The following XAF1 variants were observed in gnomAD, a reference collection of about 807,000 sequenced individuals.
The protein encoded by XAF1 is XIAP-associated factor 1.
In XAF1, 32 loss-of-function variants were observed where a neutral mutation model predicts 32.3. The ratio of observed to expected loss-of-function variants is 0.99; its 90% confidence interval spans 0.75 to 1.33. The LOEUF (loss-of-function observed/expected upper bound fraction) is 1.33. Among genes scored for constraint, XAF1 ranks in the 40% most tolerant of loss-of-function variants. The probability of loss-of-function intolerance (pLI) is 0.00; values close to 1 mark genes in which losing one functional copy is unlikely to be tolerated. For synonymous variants in XAF1, 120 were observed against 125.9 expected (o/e 0.95, Z 0.31); for missense variants, 379 against 366.0 (o/e 1.04, Z -0.29).
rs1567644998 is a variant in XAF1, at chr17:6,758,180, C to T, written c.124C>T (p.Pro42Ser). ...GTGTCCGGAGTGTGAGGAGCCTGTC[C>T]CCAAGGAAACCATGGAGGAGCACTG... ...VLCPECEEPV[P>S]KETMEEHCKL... The change falls in exon 2 of 7, where the codon CCC (proline) becomes TCC (serine). Residue 42 changes from proline to serine, a missense_variant. Pro to Ser is a moderately conservative substitution (Grantham distance 74, BLOSUM62 -1). Transcript: ENST00000361842. The T allele has an allele frequency of 6.2e-7, 1 of 1,614,202 alleles. No homozygotes were observed.
intron 5 of XAF1, among the ~76,000 whole-genome samples, chr17:6,764,874 C>T (rs1450645776): frequency 6.6e-6 from 1 of 152,100 alleles, no homozygotes; most frequent in African/African-American, 2.4e-5. Flanking sequence ...ATTGCTAAAT[C>T]CAATGCTCAG....
chr17:6,759,607 G>C, intron 2 of XAF1, 55 bp from the exon 3 acceptor site: 1 of 1,606,088 alleles, frequency 6.2e-7, no homozygotes. Flanking sequence ...GCAGGCCCTG[G>C]GTGCTGGGTG....
chr17:6,773,323 G>GT lies in XAF1; in HGVS notation c.*155dup. 2 of 610,626 alleles carry GT rather than the reference G, an allele frequency of 3.3e-6. No individual in the cohort carries two copies. The highest frequency in any genetic ancestry group is 2.4e-5 in the South Asian group (1 of 41,550). 37.8% of individuals were successfully genotyped at this position (610,626 alleles called of 1,614,324 possible). On this transcript the variant is annotated 3_prime_UTR_variant, in exon 7 of 7. Coordinates refer to ENST00000361842, the MANE Select transcript of XAF1 (RefSeq NM_017523.5). ...TGGCAGAACTAAAAACAAAACTCAC[G>GT]TATCATCTCAATAGATACAGAAAAG...
chr17:6,759,720 T>C lies in XAF1; in HGVS notation c.225+2T>C. On this transcript the variant is annotated splice_donor_variant, in intron 3 of 6. Transcript: ENST00000361842. LOFTEE classifies it high-confidence loss of function. ...AAGTCCTCGCTGGAGTTTCATAAGG[T>C]AAGAGCCCCATGTGATTTCTCCTTT... The C allele has an allele frequency of 6.2e-7, 1 of 1,613,838 alleles. No homozygotes were observed. Among genetic ancestry groups the C allele is most frequent in the Non-Finnish European group, 8.5e-7 (1 of 1,180,006 alleles).
chr17:6,762,181 G>T lies in XAF1; in HGVS notation c.448G>T (p.Glu150Ter). The change falls in exon 5 of 7, where the codon GAA becomes TAA. Residue 150 changes from glutamate (E) to a stop codon, truncating the protein, a stop_gained. Transcript: ENST00000361842. LOFTEE classifies it high-confidence loss of function. ...KGERISAPER[E>*]IYCHYCNQMI... ...GGAAAGAATTTCAGCTCCTGAAAGG[G>T]AAATCTACTGTCATTATTGCAACCA... 6.2e-7 allele frequency: 1 copy of T among 1,613,754 alleles called. No individual in the cohort carries two copies. The highest frequency in any genetic ancestry group is 1.1e-5 in the South Asian group (1 of 91,014).
chr17:6,757,972 A>G, intron 1 of XAF1, 117 bp from the exon 2 acceptor site: 1 of 1,404,910 alleles, frequency 7.1e-7, no homozygotes, highest in South Asian at 1.3e-5. Context: ...TGTCATCATC[A>G]TCACATGTTC....
Position 6,758,142 on chromosome 17 carries a change from G to C in XAF1, c.86G>C (p.Arg29Pro). Residue 29 changes from arginine to proline, a missense_variant, in exon 2 of 7, where the codon CGG (arginine) becomes CCG (proline). Coordinates refer to ENST00000361842, the MANE Select transcript of XAF1 (RefSeq NM_017523.5). The part of the protein sequence containing the change: ...NFTLHEAYCL[R>P]FLVLCPECEE... ...ACCCTCCATGAGGCTTACTGCCTGCGGTTCCTGGTCCTGTGTCCGGAGTGT... is the reference window on the plus strand; with the variant it reads ...ACCCTCCATGAGGCTTACTGCCTGCCGTTCCTGGTCCTGTGTCCGGAGTGT... The C allele has an allele frequency of 1.2e-6, 2 of 1,614,230 alleles. No homozygotes were observed. Among genetic ancestry groups the C allele is most frequent in the Non-Finnish European group, 1.7e-6 (2 of 1,180,042 alleles).
chr17:6,764,027 T>C (rs553615170), intron 5 of XAF1, among the ~76,000 whole-genome samples: 3 of 152,216 alleles, frequency 2.0e-5, no homozygotes, highest in Non-Finnish European at 4.4e-5. Flanking sequence ...CCAGGGCACC[T>C]ACACACTTAT....
chr17:6,768,843 A>G (rs1181119432), intron 5 of XAF1, among the ~76,000 whole-genome samples: 1 of 152,126 alleles, frequency 6.6e-6, no homozygotes, highest in East Asian at 1.9e-4. Flanking sequence ...CAATGTACTC[A>G]AATGTGTTTG....
Position 6,756,331 on chromosome 17 carries a change from C to T in XAF1, c.32+221C>T. The T allele has an allele frequency of 4.4e-6, 6 of 1,355,184 alleles. No individual in the cohort carries two copies. In the South Asian group the frequency reaches 9.4e-5, roughly 21 times the overall value. The allele number at this position is 1,355,184 out of a possible 1,614,324, so 83.9% of individuals were successfully genotyped here. A position where few individuals can be genotyped will look rare whatever the true frequency, so the allele number is the denominator to read the frequency against. ...CCTCCACTTCACTGCAGCCCCTTTC[C>T]CCCAAATGTTAGGCTTTCTGGGACA... On this transcript the variant is annotated intron_variant, in intron 1 of 6. Coordinates refer to ENST00000361842, the MANE Select transcript of XAF1 (RefSeq NM_017523.5).
chr17:6,767,026 C>T (rs1025169326), intron 5 of XAF1, among the ~76,000 whole-genome samples: 1 of 152,108 alleles, frequency 6.6e-6, no homozygotes. Context: ...ATTTTTTAGG[C>T]CTTATATGTC....
chr17:6,763,420 C>T lies in XAF1; in HGVS notation c.507+1180C>T, dbSNP rs149574822. On this transcript the variant is annotated intron_variant, in intron 5 of 6. Transcript: ENST00000361842. ...TCGGCTCACTGCAACCTCTGCCTCC[C>T]GGGTTCAAGCGATTCTCCTGCCTCA... Among the ~76,000 whole-genome samples, 1,010 of 152,120 alleles carry T rather than the reference C, an allele frequency of 6.6e-3. 12 individuals are homozygous for T. Among genetic ancestry groups the T allele is most frequent in the African/African-American group, 0.023 (956 of 41,512 alleles).
rs1469208197 is a variant in XAF1, at chr17:6,760,462, G to C, written c.282G>C (p.Gln94His). The change falls in exon 4 of 7, where the codon CAG becomes CAC. Residue 94 changes from glutamine to histidine, a missense_variant. Gln to His is a conservative substitution (Grantham distance 24). Coordinates refer to ENST00000361842, the MANE Select transcript of XAF1 (RefSeq NM_017523.5). ...GTAAGTTCTGCAAACTGGACATGCA[G>C]CTCAGCAAGCTGGAGCTCCACGAGT... ...VECKFCKLDM[Q>H]LSKLELHESY... 1 of 1,612,768 alleles carries C rather than the reference G, an allele frequency of 6.2e-7. No homozygotes were observed. The highest frequency in any genetic ancestry group is 8.5e-7 in the Non-Finnish European group (1 of 1,179,572).
intron 6 of XAF1, 63 bp from the exon 7 acceptor site, chr17:6,773,050 T>TA: frequency 2.9e-6 from 4 of 1,393,170 alleles, no homozygotes; most frequent in Non-Finnish European, 4.0e-6. Context: ...TATCCAGAGA[T>TA]ATTCTAGGAG....
At position 6,759,057 on chromosome 17, in the gene XAF1, G is replaced by C. The variant is rs994875355; in HGVS notation, c.169-605G>C. ...TGGCTCCAGTCCTCCCTGCAGGAGA[G>C]ATGGGGTCCGGGAGTTGGGGTGAGG... On this transcript the variant is annotated intron_variant, in intron 2 of 6. Transcript: ENST00000361842. 5.2e-6 allele frequency: 4 copies of C among 769,704 alleles called. No homozygotes were observed. In the African/African-American group the frequency reaches 5.7e-5, roughly 11 times the overall value. The allele number at this position is 769,704 out of a possible 1,614,324, so 47.7% of individuals were successfully genotyped here. A position where few individuals can be genotyped will look rare whatever the true frequency, so the allele number is the denominator to read the frequency against.
chr17:6,766,695 G>A (rs1293428304), intron 5 of XAF1, among the ~76,000 whole-genome samples: 2 of 152,104 alleles, frequency 1.3e-5, no homozygotes, highest in African/African-American at 4.8e-5. Context: ...TGTTTTACCT[G>A]GACTTAATAA....
intron 5 of XAF1, among the ~76,000 whole-genome samples, chr17:6,762,550 C>T (rs2151540266): frequency 6.6e-6 from 1 of 152,302 alleles, no homozygotes; most frequent in South Asian, 2.1e-4. Flanking sequence ...CTCAGTAGGG[C>T]CTGTCTTACT....
At chr17:6,762,123 T>C in intron 4 of XAF1, 32 bp from the exon 5 acceptor site, 1 of 1,611,700 alleles carries the variant, frequency 6.2e-7, no homozygotes, top group Non-Finnish European at 8.5e-7. Flanking sequence ...ACAAGGACAA[T>C]CATTTGTGGT....
chr17:6,762,204 C>T lies in XAF1; in HGVS notation c.471C>T (p.Asn157=), dbSNP rs528502430. ...PEREIYCHYC[N]QMIPENKYFH... ...GGGAAATCTACTGTCATTATTGCAA[C>T]CAAATGATTCCAGAAAATAAGTATT... The change falls in exon 5 of 7, where the codon AAC becomes AAT. Residue 157 remains asparagine (N), a synonymous_variant. Coordinates refer to ENST00000361842, the MANE Select transcript of XAF1 (RefSeq NM_017523.5). The T allele has an allele frequency of 3.1e-6, 5 of 1,613,388 alleles. No individual in the cohort carries two copies. The East Asian group carries it at 1.1e-4, about 36-fold the overall frequency.
Sources: allele counts gnomAD v4.1 joint callset (sites outside exome capture counted in the v4.1 genomes callset), GRCh38; gene constraint gnomAD v4.1.1; transcripts MANE v1.5; gene names NCBI Gene and HGNC (gene_info 2026-07-23, HGNC 2026-07-21).